The following ADAM22 variants were observed in gnomAD, a reference collection of about 807,000 sequenced individuals.
ADAM22 encodes the protein ADAM metallopeptidase domain 22.
Under a neutral mutation model 144.6 loss-of-function variants are expected in ADAM22, and 65 were observed. The ratio of observed to expected loss-of-function variants is 0.45; its 90% CI spans 0.37 to 0.55. ADAM22 has a LOEUF of 0.55. ADAM22 is among the 20% of genes least tolerant of loss of function. ADAM22 has a pLI of 0.00. For missense variants in ADAM22, 974 were observed against 1,184.9 expected, an observed-to-expected ratio of 0.82 and a Z score of 2.61; for synonymous variants, 391 against 412.6, an observed-to-expected ratio of 0.95 and a Z score of 0.63.
chr7:88,089,599 T>C (rs910457345), intron 4 of ADAM22, among the ~76,000 whole-genome samples: 3 of 152,206 alleles, frequency 2.0e-5, no homozygotes, highest in Non-Finnish European at 4.4e-5. Flanking sequence ...AGAAACATGC[T>C]TTCTGTCTTG....
At chr7:87,956,177 C>T (rs895203267) in intron 2 of ADAM22, among the ~76,000 whole-genome samples, 15 of 152,232 alleles carry the variant, frequency 9.9e-5, no homozygotes, top group Middle Eastern at 3.4e-3. Context: ...GAGATGAACC[C>T]GGTACCTCAG....
chr7:87,987,275 C>T (rs181431906), intron 3 of ADAM22, among the ~76,000 whole-genome samples: 43 of 152,184 alleles, frequency 2.8e-4, no homozygotes, highest in African/African-American at 9.2e-4. Context: ...GTCTCCCGGG[C>T]TCAAGCAATT....
chr7:87,977,118 T>C (rs1242738258), intron 2 of ADAM22, among the ~76,000 whole-genome samples: 1 of 152,164 alleles, frequency 6.6e-6, no homozygotes, highest in Non-Finnish European at 1.5e-5. Context: ...TTCTTAATTT[T>C]TGAAGTTTTA....
At chr7:88,030,561 T>C (rs558498823) in intron 3 of ADAM22, among the ~76,000 whole-genome samples, 2 of 152,056 alleles carry the variant, frequency 1.3e-5, no homozygotes, top group African/African-American at 4.8e-5. Flanking sequence ...ATTTTGGAGG[T>C]GGTACATGGT....
chr7:88,150,810 G>A (rs1838117316), intron 18 of ADAM22, among the ~76,000 whole-genome samples, 171 bp from the exon 19 acceptor site: 1 of 151,908 alleles, frequency 6.6e-6, no homozygotes, highest in Non-Finnish European at 1.5e-5. Context: ...CAAATACCCA[G>A]ACTTCAAGGA....
At chr7:88,153,957 CAATTCTTT>C (rs1050884916) in intron 21 of ADAM22, among the ~76,000 whole-genome samples, 8 of 152,258 alleles carry the variant, frequency 5.3e-5, no homozygotes, top group Admixed American at 4.6e-4. Context: ...TTTTTACTGT[CAATTCTTT>C]GTTGAAAGTT....
chr7:88,010,718 T>C (rs1795157433), intron 3 of ADAM22, among the ~76,000 whole-genome samples: 1 of 152,078 alleles, frequency 6.6e-6, no homozygotes, highest in Admixed American at 6.5e-5. Context: ...GTGATTGGCA[T>C]GTGGTGGGTT....
At chr7:87,963,466 G>A (rs1848412818) in intron 2 of ADAM22, among the ~76,000 whole-genome samples, 1 of 152,118 alleles carries the variant, frequency 6.6e-6, no homozygotes, top group Non-Finnish European at 1.5e-5. Flanking sequence ...ATAAAATATA[G>A]AAAGAATGAC....
At chr7:88,008,385 C>G (rs1184503071) in intron 3 of ADAM22, among the ~76,000 whole-genome samples, 3 of 150,204 alleles carry the variant, frequency 2.0e-5, no homozygotes, top group Non-Finnish European at 4.5e-5. Flanking sequence ...TTTGACCCAG[C>G]CATCCCATTA....
intron 15 of ADAM22, among the ~76,000 whole-genome samples, chr7:88,143,869 A>G (rs556071953): frequency 4.3e-4 from 65 of 152,368 alleles, no homozygotes; most frequent in Non-Finnish European, 5.9e-5. Context: ...TGAATTGCGA[A>G]GCAAATTGAC....
chr7:87,961,225 A>G (rs935071324), intron 2 of ADAM22, among the ~76,000 whole-genome samples: 5 of 152,134 alleles, frequency 3.3e-5, no homozygotes, highest in African/African-American at 1.2e-4. Flanking sequence ...CATTATATAT[A>G]GAGAGAATAA....
chr7:88,083,671 A>T (rs1585566156), intron 4 of ADAM22, among the ~76,000 whole-genome samples: 1 of 149,402 alleles, frequency 6.7e-6, no homozygotes, highest in Admixed American at 6.7e-5. Context: ...AGACTTTAGG[A>T]CATTTTGTCA....
intron 26 of ADAM22, among the ~76,000 whole-genome samples, chr7:88,174,774 C>T (rs143543669): frequency 2.0e-5 from 3 of 152,214 alleles, no homozygotes; most frequent in East Asian, 1.9e-4. Context: ...TATGGTTTCA[C>T]TTTAAGCAGA....
At chr7:87,982,439 A>G (rs1376989830) in intron 3 of ADAM22, among the ~76,000 whole-genome samples, 1 of 151,720 alleles carries the variant, frequency 6.6e-6, no homozygotes, top group Non-Finnish European at 1.5e-5. Context: ...CAAGCTTAGC[A>G]TGCTTGAGAG....
intron 3 of ADAM22, among the ~76,000 whole-genome samples, chr7:88,000,997 C>T (rs953168970): frequency 6.6e-6 from 1 of 152,132 alleles, no homozygotes; most frequent in South Asian, 2.1e-4. Flanking sequence ...ACTATGATTG[C>T]ATTATCATGC....
intron 17 of ADAM22, among the ~76,000 whole-genome samples, chr7:88,148,633 G>A (rs1208889925): frequency 6.6e-6 from 1 of 152,024 alleles, no homozygotes; most frequent in Non-Finnish European, 1.5e-5. Context: ...AAAGGATAAT[G>A]TGATAAAAGT....
At chr7:88,064,573 G>A (rs1327985321) in intron 3 of ADAM22, among the ~76,000 whole-genome samples, 4 of 152,154 alleles carry the variant, frequency 2.6e-5, no homozygotes, top group Admixed American at 2.6e-4. Context: ...GGCAGATTCA[G>A]TGTCTGGTAA....
rs930694151 is a variant in ADAM22, at chr7:88,201,693, A to G, written c.*5202A>G. ...CTGGCAGGCTTTTCATCAAGTAATC[A>G]TCATTCCATGTTCCTACGTATCCTT... is the stretch of plus-strand genomic sequence containing the variant. On this transcript the variant is annotated 3_prime_UTR_variant, in exon 32 of 32. Coordinates refer to ENST00000413139, the MANE Select transcript of ADAM22 (RefSeq NM_001324418.2). 6.6e-6 allele frequency: 1 copy of G among 151,994 alleles called. No individual in the cohort carries two copies. The highest frequency in any genetic ancestry group is 1.5e-5 in the Non-Finnish European group (1 of 68,042). 9.4% of individuals were successfully genotyped at this position (151,994 alleles called of 1,614,324 possible). A position where few individuals can be genotyped will look rare whatever the true frequency, so the allele number is the denominator to read the frequency against.
At chr7:88,072,748 C>T (rs1234516963) in intron 3 of ADAM22, among the ~76,000 whole-genome samples, 3 of 152,198 alleles carry the variant, frequency 2.0e-5, no homozygotes, top group African/African-American at 7.2e-5. Flanking sequence ...CTGGCTGGCT[C>T]TGCTGATAAA....
Sources: allele counts gnomAD v4.1 joint callset (sites outside exome capture counted in the v4.1 genomes callset), GRCh38; gene constraint gnomAD v4.1.1; transcripts MANE v1.5; gene names NCBI Gene and HGNC (gene_info 2026-07-23, HGNC 2026-07-21).